ALX4: variants seen among roughly 807,000 people sequenced by gnomAD.
The protein encoded by ALX4 is ALX homeobox 4.
ALX4 carries 22 observed loss-of-function variants against 40.6 expected under a neutral mutation model. The ratio of observed to expected loss-of-function variants is 0.54; its 90% CI spans 0.39 to 0.77. The LOEUF (loss-of-function observed/expected upper bound fraction) is 0.77. Ranked by LOEUF, ALX4 falls within the 30% of genes least tolerant of loss-of-function variation. ALX4 has a pLI of 0.00. For missense variants in ALX4, 556 were observed against 564.8 expected (o/e 0.98, Z 0.16); for synonymous variants, 266 against 240.5 (o/e 1.11, Z -0.98).
intron 1 of ALX4, among the ~76,000 whole-genome samples, chr11:44,286,021 G>A (rs1213369650): frequency 5.3e-5 from 8 of 152,232 alleles, no homozygotes; most frequent in Admixed American, 4.6e-4. Context: ...TCTGCCTCTG[G>A]TTTGGCTGGG....
At chr11:44,304,753 A>G (rs1244379007) in intron 1 of ALX4, among the ~76,000 whole-genome samples, 2 of 152,202 alleles carry the variant, frequency 1.3e-5, no homozygotes, top group Non-Finnish European at 2.9e-5. Context: ...AGAAGAAGGG[A>G]CGTCCCGGAG....
At chr11:44,272,741 G>A (rs546078483) in intron 2 of ALX4, among the ~76,000 whole-genome samples, 2 of 149,060 alleles carry the variant, frequency 1.3e-5, no homozygotes, top group Admixed American at 6.7e-5. Flanking sequence ...CCCAGGAGGT[G>A]GAGGCCGCAG....
At chr11:44,295,531 G>A (rs1042644502) in intron 1 of ALX4, among the ~76,000 whole-genome samples, 2 of 152,268 alleles carry the variant, frequency 1.3e-5, no homozygotes, top group Non-Finnish European at 2.9e-5. Flanking sequence ...CTCTGCAGCT[G>A]TGCTCCCCTT....
chr11:44,275,151 G>A (rs1235100885), intron 2 of ALX4, among the ~76,000 whole-genome samples, 197 bp downstream of exon 2: 1 of 152,204 alleles, frequency 6.6e-6, no homozygotes, highest in Non-Finnish European at 1.5e-5. Flanking sequence ...ATATTAAAGA[G>A]GATAAAAGCA....
chr11:44,305,884 G>A (rs547940354), intron 1 of ALX4, among the ~76,000 whole-genome samples: 2 of 152,386 alleles, frequency 1.3e-5, no homozygotes, highest in South Asian at 4.1e-4. Flanking sequence ...GCTTCCCGCA[G>A]CGGCCCCGCG....
chr11:44,269,869 C>G (rs1308656334), intron 2 of ALX4, among the ~76,000 whole-genome samples: 1 of 152,240 alleles, frequency 6.6e-6, no homozygotes, highest in East Asian at 1.9e-4. Flanking sequence ...TCTTTCCGCT[C>G]CTTCCTCAGC....
intron 2 of ALX4, among the ~76,000 whole-genome samples, chr11:44,272,983 ACT>A (rs1956257628): frequency 6.6e-6 from 1 of 152,018 alleles, no homozygotes; most frequent in South Asian, 2.1e-4. Context: ...AAGTTTGTAG[ACT>A]CTATTAGAGA....
chr11:44,309,329 G>C (rs1956491050), intron 1 of ALX4, among the ~76,000 whole-genome samples: 1 of 152,242 alleles, frequency 6.6e-6, no homozygotes, highest in African/African-American at 2.4e-5. Context: ...CAAAGCGAGC[G>C]GTTTGGGGAA....
At chr11:44,309,397 C>T (rs1188994950) in intron 1 of ALX4, among the ~76,000 whole-genome samples, 200 bp downstream of exon 1, 9 of 152,246 alleles carry the variant, frequency 5.9e-5, no homozygotes, top group African/African-American at 2.2e-4. Flanking sequence ...CGAAACGCTC[C>T]GTGCCTAGGC....
intron 1 of ALX4, among the ~76,000 whole-genome samples, chr11:44,296,867 G>C (rs1413250561): frequency 6.6e-6 from 1 of 152,154 alleles, no homozygotes; most frequent in Non-Finnish European, 1.5e-5. Context: ...AAATTAGGCA[G>C]GTGTGGTGGT....
intron 1 of ALX4, among the ~76,000 whole-genome samples, chr11:44,296,689 G>A (rs898062615): frequency 3.3e-5 from 5 of 151,914 alleles, no homozygotes; most frequent in Non-Finnish European, 7.4e-5. Flanking sequence ...GACGCCAAAG[G>A]AGAATACTGT....
rs1302894877 is a variant in ALX4 at position 44,264,026 on chromosome 11, C to G, written c.*828G>C. 6.6e-6 allele frequency: 1 copy of G among 152,060 alleles called. No homozygotes were observed. Among genetic ancestry groups the G allele is most frequent in the African/African-American group, 2.4e-5 (1 of 41,200 alleles). The allele number at this position is 152,060 out of a possible 1,614,324, so 9.4% of individuals were successfully genotyped here. Reference sequence around the variant, plus strand: ...GCCCACGCCCCACCCGGATGCCTCCCCCTCTCCCAGGACCTTTCCTTCTTC... The same window carrying G: ...GCCCACGCCCCACCCGGATGCCTCCGCCTCTCCCAGGACCTTTCCTTCTTC... On this transcript the variant is annotated 3_prime_UTR_variant, in exon 4 of 4. Coordinates refer to ENST00000652299, the MANE Select transcript of ALX4 (RefSeq NM_021926.4).
chr11:44,279,828 AGGGGCT>A (rs760778291), intron 1 of ALX4, among the ~76,000 whole-genome samples: 3 of 152,140 alleles, frequency 2.0e-5, no homozygotes, highest in African/African-American at 4.8e-5. Context: ...TCAGTTCCCC[AGGGGCT>A]GGGACCTCAT....
At chr11:44,305,477 C>A (rs1956461137) in intron 1 of ALX4, among the ~76,000 whole-genome samples, 1 of 152,240 alleles carries the variant, frequency 6.6e-6, no homozygotes, top group East Asian at 1.9e-4. Context: ...AGTTTTCCTG[C>A]GATCACCCCA....
At chr11:44,282,827 G>A (rs1482063557) in intron 1 of ALX4, among the ~76,000 whole-genome samples, 2 of 152,212 alleles carry the variant, frequency 1.3e-5, no homozygotes, top group Non-Finnish European at 2.9e-5. Context: ...TGTAGGAGGA[G>A]GGGGAAGGTT....
intron 1 of ALX4, among the ~76,000 whole-genome samples, chr11:44,303,426 C>T (rs898954501): frequency 2.0e-5 from 3 of 152,094 alleles, no homozygotes; most frequent in Admixed American, 6.5e-5. Context: ...CCTCTTACCC[C>T]GCCCGTATCT....
At chr11:44,308,991 T>C (rs1405821235) in intron 1 of ALX4, among the ~76,000 whole-genome samples, 1 of 152,220 alleles carries the variant, frequency 6.6e-6, no homozygotes, top group Non-Finnish European at 1.5e-5. Context: ...GGTCTCTGGC[T>C]CCGCACTGTG....
At chr11:44,269,120 A>G (rs1956230285) in intron 2 of ALX4, among the ~76,000 whole-genome samples, 1 of 152,214 alleles carries the variant, frequency 6.6e-6, no homozygotes, top group Non-Finnish European at 1.5e-5. Context: ...CCTAGGAACC[A>G]CTGCGAGGAG....
At position 44,278,308 on chromosome 11, in the gene ALX4, G is replaced by A. The variant is rs117471127; in HGVS notation, c.467-2650C>T. 3.4e-3 allele frequency among the ~76,000 whole-genome samples: 524 copies of A among 152,280 alleles called. 3 individuals carry two copies. Among genetic ancestry groups the A allele is most frequent in the Non-Finnish European group, 5.9e-3 (401 of 68,024 alleles). ...AGAGAAGGGAACATGCCCCAATTCC[G>A]GACAGAGCACAGCCTCTCAGCTCCT... On this transcript the variant is annotated intron_variant, in intron 1 of 3. Transcript: ENST00000652299.
Sources: gnomAD v4.1 joint callset for allele counts (sites outside exome capture counted in the v4.1 genomes callset) on GRCh38, gnomAD v4.1.1 for gene constraint, MANE v1.5 for transcripts, NCBI Gene and HGNC (gene_info 2026-07-23, HGNC 2026-07-21) for gene names.